KMT2C: variants seen among roughly 807,000 people sequenced by gnomAD.
KMT2C encodes the protein lysine methyltransferase 2C.
A neutral mutation model predicts 507.9 loss-of-function variants in KMT2C; 88 were observed. The ratio of observed to expected loss-of-function variants is 0.17; its 90% CI spans 0.15 to 0.21. The LOEUF (loss-of-function observed/expected upper bound fraction) is 0.21. Among genes scored for constraint, KMT2C ranks in the 10% least tolerant of loss-of-function variants. The probability of loss-of-function intolerance (pLI) is 1.00; values close to 1 mark genes in which losing one functional copy is unlikely to be tolerated. For missense variants in KMT2C, 4,954 were observed against 5,957.8 expected (o/e 0.83, Z 5.55); for synonymous variants, 2,049 against 2,080.8 (o/e 0.98, Z 0.42).
chr7:152,240,505 G>C (rs2095363059), intron 14 of KMT2C, among the ~76,000 whole-genome samples: 1 of 149,688 alleles, frequency 6.7e-6, no homozygotes, highest in Non-Finnish European at 1.5e-5. Flanking sequence ...CTTGGAAGTT[G>C]ATGCTTCCCA....
intron 9 of KMT2C, among the ~76,000 whole-genome samples, chr7:152,252,935 C>T (rs2095584358): frequency 6.6e-6 from 1 of 152,052 alleles, no homozygotes; most frequent in African/African-American, 2.4e-5. Context: ...TCACTGCAAC[C>T]TCTGCCTCCT....
At chr7:152,263,534 T>C (rs2095814657) in intron 8 of KMT2C, among the ~76,000 whole-genome samples, 1 of 152,190 alleles carries the variant, frequency 6.6e-6, no homozygotes, top group Admixed American at 6.5e-5. Context: ...AGGATCAAAT[T>C]TGGCATCAGA....
At chr7:152,151,173 G>A (rs895077189) in intron 50 of KMT2C, among the ~76,000 whole-genome samples, 166 bp from the exon 51 acceptor site, 3 of 152,192 alleles carry the variant, frequency 2.0e-5, no homozygotes, top group East Asian at 1.9e-4. Flanking sequence ...ATTTAGCTAG[G>A]GAAAAAATAC....
intron 6 of KMT2C, among the ~76,000 whole-genome samples, chr7:152,300,669 A>G (rs2096557987): frequency 6.6e-6 from 1 of 152,220 alleles, no homozygotes; most frequent in Admixed American, 6.5e-5. Flanking sequence ...TGATCCCATG[A>G]GTCCTTCTAG....
At chr7:152,254,557 G>A (rs1434848193) in intron 9 of KMT2C, among the ~76,000 whole-genome samples, 2 of 152,144 alleles carry the variant, frequency 1.3e-5, no homozygotes, top group Non-Finnish European at 2.9e-5. Flanking sequence ...TCTTGAGAAA[G>A]TAAAAATGGA....
chr7:152,156,491 A>C, intron 44 of KMT2C, 145 bp from the exon 45 acceptor site: 1 of 1,026,252 alleles, frequency 9.7e-7, no homozygotes, highest in South Asian at 1.8e-5. Flanking sequence ...CAAGAAAACA[A>C]TACCTACAAG....
intron 3 of KMT2C, 99 bp from the exon 4 acceptor site, chr7:152,315,437 A>G (rs1328235798): frequency 1.3e-6 from 1 of 795,982 alleles, no homozygotes. Context: ...AATTATGTCT[A>G]AAGCACAAGC....
chr7:152,287,113 G>A (rs1165836331), intron 6 of KMT2C, among the ~76,000 whole-genome samples: 3 of 152,132 alleles, frequency 2.0e-5, no homozygotes, highest in Admixed American at 2.0e-4. Flanking sequence ...GCAGTAACGC[G>A]GCTTCCTCCC....
chr7:152,150,861 G>T, intron 51 of KMT2C, 39 bp downstream of exon 51: 1 of 1,349,298 alleles, frequency 7.4e-7, no homozygotes, highest in Non-Finnish European at 1.1e-6. Flanking sequence ...GAAGTCACTC[G>T]TTACACATTG....
At chr7:152,256,893 C>T (rs151169236) in intron 9 of KMT2C, among the ~76,000 whole-genome samples, 90 of 152,254 alleles carry the variant, frequency 5.9e-4, no homozygotes, top group African/African-American at 2.1e-3. Context: ...AGTTCTCTCA[C>T]ACATCTCTGG....
At chr7:152,229,360 T>C (rs1207114939) in intron 18 of KMT2C, among the ~76,000 whole-genome samples, 1 of 152,094 alleles carries the variant, frequency 6.6e-6, no homozygotes, top group Non-Finnish European at 1.5e-5. Context: ...TTGAGACCTG[T>C]CCATATTTAA....
chr7:152,369,836 T>A lies in KMT2C; in HGVS notation c.162-11161A>T, dbSNP rs141673092. On this transcript the variant is annotated intron_variant, in intron 1 of 58. Transcript: ENST00000262189. Reference sequence around the variant, plus strand: ...TCTTTTTCCTTTATAAACTACCAACTCTCGGGTATTTTGCTATAGCAATAG... The same window carrying A: ...TCTTTTTCCTTTATAAACTACCAACACTCGGGTATTTTGCTATAGCAATAG... Among the ~76,000 whole-genome samples, 8 of 152,178 alleles carry A rather than the reference T, an allele frequency of 5.3e-5. No homozygotes were observed. The East Asian group carries it at 1.5e-3, about 29-fold the overall frequency.
At position 152,182,135 on chromosome 7, in the gene KMT2C, G is replaced by A; in HGVS notation, c.5725C>T (p.Pro1909Ser). The part of the protein sequence containing the change: ...AKMVGTPRPP[P>S]VGHSFSRRNS... ...CTTCTGGAAAAACTATGGCCCACAG[G>A]AGGTGGTCGAGGGGTACCAACCATT... The change falls in exon 36 of 59, where the codon CCT becomes TCT. Residue 1909 changes from proline (P) to serine (S), a missense_variant. By Grantham distance (74) the Pro-to-Ser change is moderately conservative (BLOSUM62 -1). Transcript: ENST00000262189. 2 of 1,614,220 alleles carry A rather than the reference G, an allele frequency of 1.2e-6. No homozygotes were observed. The highest frequency in any genetic ancestry group is 1.7e-6 in the Non-Finnish European group (2 of 1,180,046).
chr7:152,428,546 A>G (rs6951870), intron 1 of KMT2C, among the ~76,000 whole-genome samples: 20,155 of 150,332 alleles, frequency 0.13, 3,569 homozygotes, highest in African/African-American at 0.41. Flanking sequence ...AAGGAGAATC[A>G]CTTGTACCCG....
At chr7:152,385,706 T>A (rs1280367360) in intron 1 of KMT2C, among the ~76,000 whole-genome samples, 4 of 143,818 alleles carry the variant, frequency 2.8e-5, no homozygotes, top group Non-Finnish European at 6.0e-5. Flanking sequence ...TAACTGTCAA[T>A]TTTTTTTTAA....
chr7:152,277,688 TAAA>T (rs2096109422), intron 6 of KMT2C, among the ~76,000 whole-genome samples: 1 of 151,748 alleles, frequency 6.6e-6, no homozygotes, highest in Admixed American at 6.6e-5. Flanking sequence ...TGGAGCCACA[TAAA>T]AAAGAAAACA....
intron 6 of KMT2C, among the ~76,000 whole-genome samples, chr7:152,306,762 T>C (rs1455509250): frequency 1.3e-5 from 2 of 152,140 alleles, no homozygotes; most frequent in Non-Finnish European, 2.9e-5. Context: ...TGTCAACAAA[T>C]GTGTTGTTTT....
chr7:152,147,707 CAAAAAAAAA>C (rs762588729), intron 52 of KMT2C, among the ~76,000 whole-genome samples: 25 of 46,722 alleles, frequency 5.4e-4, no homozygotes, highest in African/African-American at 1.9e-3. Flanking sequence ...AACTCCGTCT[CAAAAAAAAA>C]AAAAAAAAAA....
At chr7:152,293,728 C>T (rs2096458555) in intron 6 of KMT2C, among the ~76,000 whole-genome samples, 2 of 152,232 alleles carry the variant, frequency 1.3e-5, no homozygotes, top group South Asian at 4.1e-4. Context: ...ATTGAATGGG[C>T]CTACCAAAAT....
Sources: gnomAD v4.1 joint callset for allele counts (sites outside exome capture counted in the v4.1 genomes callset) on GRCh38, gnomAD v4.1.1 for gene constraint, MANE v1.5 for transcripts, NCBI Gene and HGNC (gene_info 2026-07-23, HGNC 2026-07-21) for gene names.